FAM177B: variants seen among roughly 807,000 people sequenced by gnomAD.
FAM177B encodes family with sequence similarity 177 member B, also known as protein FAM177B.
In FAM177B, 16 loss-of-function variants were observed where a neutral mutation model predicts 16.1. The observed-to-expected ratio is 0.99, with a 90% CI of 0.67 to 1.51. FAM177B has a LOEUF of 1.51. FAM177B is among the 40% of genes most tolerant of loss of function. The pLI is 0.00. For synonymous variants in FAM177B, 56 were observed against 59.9 expected, an observed-to-expected ratio of 0.93 and a Z score of 0.30; for missense variants, 178 against 183.7, an observed-to-expected ratio of 0.97 and a Z score of 0.18.
rs894637837 is a variant in FAM177B, at chr1:222,749,572, A to G, written c.339+10A>G. On this transcript the variant is annotated intron_variant, in intron 5 of 5. Transcript: ENST00000445590. Reference sequence around the variant, plus strand: ...TAGGATACAAAACAAGGTATGTGACACTCTGATGGAAACAAGGGGCCTGAG... The same window carrying G: ...TAGGATACAAAACAAGGTATGTGACGCTCTGATGGAAACAAGGGGCCTGAG... 8.1e-6 allele frequency: 12 copies of G among 1,485,292 alleles called. No individual in the cohort carries two copies. Among genetic ancestry groups the G allele is most frequent in the Non-Finnish European group, 1.1e-5 (12 of 1,071,558 alleles). 92.0% of individuals were successfully genotyped at this position (1,485,292 alleles called of 1,614,324 possible).
At position 222,747,001 on chromosome 1, in the gene FAM177B, T is replaced by A. The variant is rs1475149852; in HGVS notation, c.175-14T>A. Reference sequence around the variant, plus strand: ...TCTTATTAACTACTCTATCTCAATTTCTCCTTTTTTCAGTCTAAACTTTCC... The same window carrying A: ...TCTTATTAACTACTCTATCTCAATTACTCCTTTTTTCAGTCTAAACTTTCC... On this transcript the variant is annotated splice_polypyrimidine_tract_variant and intron_variant, in intron 3 of 5. Transcript: ENST00000445590. 4 of 1,576,540 alleles carry A rather than the reference T, an allele frequency of 2.5e-6. No individual in the cohort carries two copies. The highest frequency in any genetic ancestry group is 2.6e-6 in the Non-Finnish European group (3 of 1,145,918).
intron 2 of FAM177B, chr1:222,742,496 A>G (rs1658601293): frequency 6.6e-6 from 1 of 152,180 alleles, no homozygotes; most frequent in Non-Finnish European, 1.5e-5. Flanking sequence ...GAAAGCTATT[A>G]TTAGGTAAAT....
intron 4 of FAM177B, 112 bp downstream of exon 4, chr1:222,747,193 A>T: frequency 1.3e-6 from 1 of 758,890 alleles, no homozygotes; most frequent in Non-Finnish European, 2.4e-6. Context: ...CATCCTGAAT[A>T]AGTGAGATCT....
chr1:222,741,253 G>T (rs774439351), intron 2 of FAM177B, among the ~76,000 whole-genome samples: 2 of 151,174 alleles, frequency 1.3e-5, no homozygotes, highest in African/African-American at 4.9e-5. Flanking sequence ...TAGTATAGAC[G>T]GGTTTTCGCC....
chr1:222,744,472 CA>C (rs763596466), intron 2 of FAM177B, among the ~76,000 whole-genome samples: 21,942 of 82,306 alleles, frequency 0.27, 2,175 homozygotes, highest in African/African-American at 0.41. Flanking sequence ...AACTCCATCT[CA>C]AAAAAAAAAA....
At chr1:222,749,027 G>A (rs1390146815) in intron 4 of FAM177B, 1 of 472,308 alleles carries the variant, frequency 2.1e-6, no homozygotes, top group South Asian at 1.5e-5. Context: ...CTTCTGAGAA[G>A]TCTGTCTGGA....
intron 2 of FAM177B, among the ~76,000 whole-genome samples, chr1:222,741,057 C>CTTTTTTT (rs369907456): frequency 3.5e-4 from 29 of 82,152 alleles, no homozygotes; most frequent in East Asian, 7.2e-4. Context: ...TTTTTGTTTT[C>CTTTTTTT]TTTTTTTTTT....
At chr1:222,749,362 A>G (rs1338275694) in intron 4 of FAM177B, 103 bp from the exon 5 acceptor site, 5 of 643,276 alleles carry the variant, frequency 7.8e-6, no homozygotes, top group Non-Finnish European at 1.4e-5. Context: ...GTAATAGACC[A>G]CTATTACTAT....
At position 222,746,656 on chromosome 1, in the gene FAM177B, T is replaced by A. The variant is rs138554889; in HGVS notation, c.111T>A (p.Tyr37Ter). The A allele has an allele frequency of 3.9e-5, 63 of 1,613,738 alleles. No individual in the cohort carries two copies. In the African/African-American group the frequency reaches 7.1e-4, roughly 18 times the overall value. The change falls in exon 3 of 6, where the codon TAT becomes TAA. Residue 37 changes from tyrosine to a stop codon, truncating the protein, a stop_gained. Transcript: ENST00000445590. LOFTEE classifies it high-confidence loss of function. ...HFVDGDIMEEYSTEEEEEEEK... is the reference protein window; with the variant it reads ...HFVDGDIMEE ...TTGACGGAGACATCATGGAAGAATA[T>A]AGCACAGAGGAGGAGGAGGAAGAGG...
rs763596466 is a variant in FAM177B, at chr1:222,744,472, C to CA, written c.-15-2042dup. 6.3e-3 allele frequency among the ~76,000 whole-genome samples: 517 copies of CA among 82,288 alleles called. 19 individuals carry two copies. The highest frequency in any genetic ancestry group is 0.036 in the Admixed American group (261 of 7,276). 54.0% of individuals were successfully genotyped at this position (82,288 alleles called of 152,430 possible). On this transcript the variant is annotated intron_variant, in intron 2 of 5. Transcript: ENST00000445590. ...GGGCAACAAGAGTGAAACTCCATCTCAAAAAAAAAAAAAAAAAGGCAAAAA... is the reference window on the plus strand; with the variant it reads ...GGGCAACAAGAGTGAAACTCCATCTCAAAAAAAAAAAAAAAAAAGGCAAAAA...
At chr1:222,737,429 AG>A in intron 1 of FAM177B, 107 bp downstream of exon 1, 1 of 152,170 alleles carries the variant, frequency 6.6e-6, no homozygotes, top group East Asian at 1.9e-4. Context: ...TCTCCATTTG[AG>A]TTAAAGACTG....
At chr1:222,741,784 TTTTC>T (rs202102506) in intron 2 of FAM177B, among the ~76,000 whole-genome samples, 50 of 146,346 alleles carry the variant, frequency 3.4e-4, no homozygotes, top group African/African-American at 5.3e-4. Context: ...CTTTCTTTCT[TTTTC>T]TTTCTTTCTT....
chr1:222,750,045 C>T lies in FAM177B; in HGVS notation c.464C>T (p.Ala155Val), dbSNP rs1558251658. ...ACCATACAACAGGATGTGACAGAGG[C>T]CATTCCTCAGTGAAGCACCTCATCC... The part of the protein sequence containing the change: ...YGTIQQDVTE[A>V]IPQ Residue 155 changes from alanine to valine, a missense_variant, in exon 6 of 6, where the codon GCC becomes GTC. Coordinates refer to ENST00000445590, the MANE Select transcript of FAM177B (RefSeq NM_001394345.1). The T allele has an allele frequency of 1.9e-6, 3 of 1,613,346 alleles. No homozygotes were observed. The highest frequency in any genetic ancestry group is 1.7e-6 in the Non-Finnish European group (2 of 1,179,864).
At chr1:222,738,269 G>A (rs962492481) in intron 2 of FAM177B, among the ~76,000 whole-genome samples, 5 of 152,114 alleles carry the variant, frequency 3.3e-5, no homozygotes, top group Non-Finnish European at 7.3e-5. Flanking sequence ...AAGCAGATAG[G>A]AAAGAGAAGA....
intron 2 of FAM177B, among the ~76,000 whole-genome samples, chr1:222,741,249 A>G (rs1236211483): frequency 3.3e-5 from 5 of 151,120 alleles, no homozygotes; most frequent in South Asian, 2.1e-4. Context: ...TTTTTAGTAT[A>G]GACGGGTTTT....
chr1:222,749,266 A>G, intron 4 of FAM177B, 199 bp from the exon 5 acceptor site: 1 of 538,750 alleles, frequency 1.9e-6, no homozygotes, highest in Non-Finnish European at 3.3e-6. Flanking sequence ...ATAAAGATAG[A>G]AGATTTGACA....
At position 222,749,464 on chromosome 1, in the gene FAM177B, G is replaced by T. The variant is rs945043010; in HGVS notation, c.242-1G>T. On this transcript the variant is annotated splice_acceptor_variant, in intron 4 of 5. Transcript: ENST00000445590. LOFTEE classifies it high-confidence loss of function. ...ACGCAAGTGCTCGTTCTTTCTTTTA[G>T]CATGTGAATTCCTTGGTGGAAGATT... The T allele has an allele frequency of 2.1e-5, 33 of 1,590,182 alleles. No homozygotes were observed. Among genetic ancestry groups the T allele is most frequent in the Non-Finnish European group, 2.7e-5 (31 of 1,162,138 alleles).
In FAM177B at chr1:222,750,177, G is replaced by A; in HGVS notation, c.*119G>A. ...TACCATGGCAACAACACCAGAGGTAGCACTTCTGAGCCAGATCTGATCCTA... is the reference window on the plus strand; with the variant it reads ...TACCATGGCAACAACACCAGAGGTAACACTTCTGAGCCAGATCTGATCCTA... On this transcript the variant is annotated 3_prime_UTR_variant, in exon 6 of 6. Transcript: ENST00000445590. 6.7e-7 allele frequency: 1 copy of A among 1,500,666 alleles called. No homozygotes were observed. Among genetic ancestry groups the A allele is most frequent in the African/African-American group, 1.4e-5 (1 of 71,624 alleles). The allele number at this position is 1,500,666 out of a possible 1,614,324, so 93.0% of individuals were successfully genotyped here.
In FAM177B at chr1:222,750,266, C is replaced by T. The variant is rs765299314; in HGVS notation, c.*208C>T. ...AAGCAATAATGAGAGTAATTTTGGA[C>T]ACTTTCTCAGAATAATTTCTATATT... On this transcript the variant is annotated 3_prime_UTR_variant, in exon 6 of 6. Transcript: ENST00000445590. 63 of 1,365,036 alleles carry T rather than the reference C, an allele frequency of 4.6e-5. No homozygotes were observed. The highest frequency in any genetic ancestry group is 5.4e-5 in the Non-Finnish European group (58 of 1,064,318). The allele number at this position is 1,365,036 out of a possible 1,614,324, so 84.6% of individuals were successfully genotyped here.
Sources: allele counts gnomAD v4.1 joint callset (sites outside exome capture counted in the v4.1 genomes callset), GRCh38; gene constraint gnomAD v4.1.1; transcripts MANE v1.5; gene names NCBI Gene and HGNC (gene_info 2026-07-23, HGNC 2026-07-21).